RGS6: variants seen among roughly 807,000 people sequenced by gnomAD.
RGS6 encodes the protein regulator of G protein signaling 6.
Under a neutral mutation model 78.5 loss-of-function variants are expected in RGS6, and 30 were observed. The observed-to-expected ratio is 0.38, with a 90% CI of 0.29 to 0.52. RGS6 has a LOEUF of 0.52. Ranked by LOEUF, RGS6 falls within the 20% of genes least tolerant of loss-of-function variation. RGS6 has a pLI of 0.85. For missense variants in RGS6, 495 were observed against 609.7 expected (o/e 0.81, Z 1.98); for synonymous variants, 206 against 206.0 (o/e 1.00, Z 0.00).
At chr14:72,047,154 A>G (rs1192064940) in intron 2 of RGS6, among the ~76,000 whole-genome samples, 1 of 152,238 alleles carries the variant, frequency 6.6e-6, no homozygotes, top group African/African-American at 2.4e-5. Flanking sequence ...TGACAGCTCC[A>G]GACGATGGTC....
At chr14:72,624,814 T>C in the RGS6 span, among the ~76,000 whole-genome samples, 3 of 152,248 alleles carry the variant, frequency 2.0e-5, no homozygotes, top group South Asian at 2.1e-4. Flanking sequence ...TCAATTTCAG[T>C]TGGATCTTTT....
At chr14:72,330,653 C>G (rs2239249) in intron 2 of RGS6, among the ~76,000 whole-genome samples, 93,207 of 152,016 alleles carry the variant, frequency 0.61, 31,295 homozygotes, top group African/African-American at 0.9. Flanking sequence ...GTTAGTGACA[C>G]GATATTTCAT....
chr14:71,963,602 A>G (rs1202171467), intron 1 of RGS6, among the ~76,000 whole-genome samples: 1 of 152,226 alleles, frequency 6.6e-6, no homozygotes, highest in Non-Finnish European at 1.5e-5. Context: ...GACTCCAGCA[A>G]TATGTGACGT....
intron 2 of RGS6, among the ~76,000 whole-genome samples, chr14:72,169,341 AAG>A (rs57534890): frequency 0.064 from 9,776 of 152,288 alleles, 464 homozygotes; most frequent in East Asian, 0.27. Flanking sequence ...GATGTCTTCT[AAG>A]AAGAAAATTC....
chr14:72,211,489 A>G (rs2044137802), intron 2 of RGS6, among the ~76,000 whole-genome samples: 1 of 152,222 alleles, frequency 6.6e-6, no homozygotes, highest in Non-Finnish European at 1.5e-5. Context: ...GACAGTAGTA[A>G]TAGAACAGTG....
intron 2 of RGS6, among the ~76,000 whole-genome samples, chr14:72,040,942 T>G (rs1402169518): frequency 1.3e-5 from 2 of 152,024 alleles, no homozygotes. Flanking sequence ...TCTATTTATA[T>G]TCTCATTTTA....
intron 3 of RGS6, among the ~76,000 whole-genome samples, chr14:72,370,662 G>T (rs1242034674): frequency 1.3e-5 from 2 of 152,124 alleles, no homozygotes; most frequent in Non-Finnish European, 2.9e-5. Flanking sequence ...CCTCTAAGGG[G>T]CAGGGAGTAT....
intron 2 of RGS6, among the ~76,000 whole-genome samples, chr14:71,995,212 T>G (rs1330079363): frequency 2.0e-5 from 3 of 152,180 alleles, no homozygotes; most frequent in Non-Finnish European, 4.4e-5. Context: ...ATTCTTCCCT[T>G]TTCTCATCCC....
intron 1 of RGS6, among the ~76,000 whole-genome samples, chr14:71,950,005 G>A (rs183070360): frequency 1.4e-4 from 21 of 152,098 alleles, no homozygotes; most frequent in Middle Eastern, 3.4e-3. Context: ...GTGTTTTCTA[G>A]TCCATTCCAT....
intron 2 of RGS6, among the ~76,000 whole-genome samples, chr14:72,335,897 A>T (rs541871261): frequency 6.6e-6 from 1 of 152,288 alleles, no homozygotes; most frequent in Middle Eastern, 3.4e-3. Context: ...CTTTCACAGG[A>T]TCTAGGTCAC....
rs560552246 is a variant in RGS6 at position 72,494,714 on chromosome 14, TAAG to T, written c.855-435_855-433del. Among the ~76,000 whole-genome samples the T allele has an allele frequency of 2.2e-3, 340 of 152,328 alleles. 4 individuals carry two copies. The highest frequency in any genetic ancestry group is 8.0e-3 in the African/African-American group (331 of 41,582). ...TGCTGATATTTAAAAGTCTTTATCA[TAAG>T]AAAGTCCTTCCGTTGGGAATGCTGA... is the stretch of plus-strand genomic sequence containing the variant. On this transcript the variant is annotated intron_variant, in intron 12 of 17. Transcript: ENST00000553525.
intron 2 of RGS6, among the ~76,000 whole-genome samples, chr14:72,041,910 T>TG (rs1262033468): frequency 6.6e-6 from 1 of 152,048 alleles, no homozygotes; most frequent in Non-Finnish European, 1.5e-5. Context: ...GTCATTGTAT[T>TG]GGGGGGTCAG....
At chr14:72,350,352 C>T (rs1372415421) in intron 2 of RGS6, among the ~76,000 whole-genome samples, 2 of 152,080 alleles carry the variant, frequency 1.3e-5, no homozygotes, top group Non-Finnish European at 2.9e-5. Flanking sequence ...TGGCTGCACA[C>T]CTGGGTAGCT....
chr14:72,474,766 A>G, intron 10 of RGS6, 67 bp downstream of exon 10: 1 of 1,269,368 alleles, frequency 7.9e-7, no homozygotes, highest in South Asian at 1.3e-5. Flanking sequence ...GTACTATTCA[A>G]ATAGTAATTT....
At chr14:72,139,813 T>C (rs1456012168) in intron 2 of RGS6, among the ~76,000 whole-genome samples, 2 of 151,550 alleles carry the variant, frequency 1.3e-5, no homozygotes, top group Non-Finnish European at 2.9e-5. Flanking sequence ...ATAGTAAGAG[T>C]CCTTCACATT....
At chr14:72,219,068 A>G (rs1420626771) in intron 2 of RGS6, among the ~76,000 whole-genome samples, 2 of 151,812 alleles carry the variant, frequency 1.3e-5, no homozygotes, top group East Asian at 4.0e-4. Flanking sequence ...CATTATGGAG[A>G]AAGTCCATGT....
chr14:72,474,839 G>C, intron 10 of RGS6, 140 bp downstream of exon 10: 1 of 748,742 alleles, frequency 1.3e-6, no homozygotes, highest in Non-Finnish European at 2.2e-6. Flanking sequence ...AATATTGATT[G>C]AGCAGCTGAT....
chr14:72,621,714 G>A, the RGS6 span, among the ~76,000 whole-genome samples: 5 of 152,326 alleles, frequency 3.3e-5, no homozygotes, highest in African/African-American at 9.6e-5. Context: ...ATCCAGGTGC[G>A]TGATGATGGT....
At chr14:72,294,058 C>T (rs1423603129) in intron 2 of RGS6, among the ~76,000 whole-genome samples, 1 of 152,188 alleles carries the variant, frequency 6.6e-6, no homozygotes, top group Non-Finnish European at 1.5e-5. Flanking sequence ...TGAAATACAA[C>T]CCATGCTCTG....
Sources: allele counts gnomAD v4.1 joint callset (sites outside exome capture counted in the v4.1 genomes callset), GRCh38; gene constraint gnomAD v4.1.1; transcripts MANE v1.5; gene names NCBI Gene and HGNC (gene_info 2026-07-23, HGNC 2026-07-21).